TNK2: variants seen among roughly 807,000 people sequenced by gnomAD.
The protein encoded by TNK2 is activated CDC42 kinase 1.
In TNK2, 83 loss-of-function variants were observed where a neutral mutation model predicts 101.8. The observed-to-expected ratio is 0.82, with a 90% CI of 0.68 to 0.98. The LOEUF is 0.98. Among genes scored for constraint, TNK2 ranks in the 50% least tolerant of loss-of-function variants. The pLI is 0.00. For synonymous variants in TNK2, 804 were observed against 633.0 expected (o/e 1.27, Z -4.06); for missense variants, 1,665 against 1,483.2 (o/e 1.12, Z -2.01).
rs1204861929 is a variant in TNK2, at chr3:195,882,343, G to A, written c.610-15C>T. 6.2e-7 allele frequency: 1 copy of A among 1,607,896 alleles called. No individual in the cohort carries two copies. The highest frequency in any genetic ancestry group is 1.1e-5 in the South Asian group (1 of 90,982). On this transcript the variant is annotated splice_polypyrimidine_tract_variant and intron_variant, in intron 5 of 15. Coordinates refer to ENST00000672887, the MANE Select transcript of TNK2 (RefSeq NM_001382273.1). This position sits in a 1 kb window ranked among gnomAD's most constrained non-coding sequence, Gnocchi z 4.2. The stretch of plus-strand genomic sequence containing the variant: ...AGCTCTGTCACCTGAGGCCACGGAG[G>A]AGGCAGGAGGAATGAGCTGGAGGAC...
Position 195,867,642 on chromosome 3 carries a change from G to A in TNK2, c.2656C>T (p.Arg886Cys), listed in dbSNP as rs776311761. The A allele has an allele frequency of 2.1e-5, 34 of 1,602,444 alleles. No individual in the cohort carries two copies. The highest frequency in any genetic ancestry group is 1.2e-4 in the African/African-American group (9 of 74,894). ...LLPERPSYLE[R>C]YQRFLREAQS... The stretch of plus-strand genomic sequence containing the variant: ...GCCTCACGCAGGAAGCGCTGGTAGC[G>A]CTCCAGGTAGGATGGTCGCTCGGGC... Residue 886 changes from arginine to cysteine, a missense_variant, in exon 13 of 16, where the codon CGC becomes TGC. By Grantham distance (180) the Arg-to-Cys change is radical. Coordinates refer to ENST00000672887, the MANE Select transcript of TNK2 (RefSeq NM_001382273.1).
rs764262169 is a variant in TNK2 at position 195,867,402 on chromosome 3, C to G, written c.2896G>C (p.Asp966His). ...ARLPQRGCPG[D>H]GPEAGRPADK... is the part of the protein sequence containing the mutation. The stretch of plus-strand genomic sequence containing the variant: ...GCTGGCCGGCCCGCCTCTGGCCCAT[C>G]GCCAGGGCAGCCCCTCTGTGGCAGC... Residue 966 changes from aspartate (D) to histidine (H), a missense_variant, in exon 13 of 16, where the codon GAT becomes CAT. Around this residue, in one of 3 missense-constraint regions of TNK2, gnomAD observed 1,136 missense variants for 894.9 expected, o/e 1.27. Transcript: ENST00000672887. The G allele has an allele frequency of 1.9e-6, 3 of 1,604,642 alleles. No individual in the cohort carries two copies. The highest frequency in any genetic ancestry group is 2.2e-5 in the East Asian group (1 of 44,746).
chr3:195,902,639 A>AC (rs1761327537), intron 1 of TNK2, among the ~76,000 whole-genome samples: 6 of 128,258 alleles, frequency 4.7e-5, no homozygotes, highest in African/African-American at 7.4e-5. Context: ...ACAAAAAAAA[A>AC]CAAACATAAA....
At chr3:195,877,411 G>C (rs1424772479) in intron 9 of TNK2, among the ~76,000 whole-genome samples, 1 of 152,184 alleles carries the variant, frequency 6.6e-6, no homozygotes, top group African/African-American at 2.4e-5. Flanking sequence ...TTGCACCGAA[G>C]GCCGCAGACT....
rs1049098421 is a variant in TNK2, at chr3:195,884,876, T to C, written c.392A>G (p.Lys131Arg). The C allele has an allele frequency of 1.2e-6, 2 of 1,613,900 alleles. No homozygotes were observed. The highest frequency in any genetic ancestry group is 1.7e-6 in the Non-Finnish European group (2 of 1,179,994). The change falls in exon 4 of 16, where the codon AAG (lysine) becomes AGG (arginine). Residue 131 changes from lysine (K) to arginine (R), a missense_variant. Around this residue, in one of 3 missense-constraint regions of TNK2, gnomAD observed 490 missense variants for 522.5 expected, o/e 0.94. Transcript: ENST00000672887. The stretch of plus-strand genomic sequence containing the variant: ...CACGCCAAAGGAACCATCACCCAGC[T>C]TCTCCAGGAGGCGCAGGTCCTTCTC... Reference protein sequence around the residue: ...IGEKDLRLLEKLGDGSFGVVR... With the variant: ...IGEKDLRLLERLGDGSFGVVR...
At chr3:195,902,085 G>A (rs2149857383) in intron 1 of TNK2, among the ~76,000 whole-genome samples, 1 of 152,312 alleles carries the variant, frequency 6.6e-6, no homozygotes, top group South Asian at 2.1e-4. Flanking sequence ...AGGCCCCTAG[G>A]GAGGGGGAGA....
intron 10 of TNK2, 61 bp downstream of exon 10, chr3:195,872,215 G>A: frequency 6.3e-7 from 1 of 1,588,632 alleles, no homozygotes; most frequent in Non-Finnish European, 8.6e-7. Flanking sequence ...CGCGTGCCGT[G>A]CTGAGGGCCC....
intron 10 of TNK2, chr3:195,870,544 C>T (rs1744396898): frequency 1.8e-6 from 1 of 543,028 alleles, no homozygotes; most frequent in Non-Finnish European, 2.9e-6. Flanking sequence ...TCCCGCAGGC[C>T]ACGATGGAGG....
chr3:195,869,515 G>C lies in TNK2; in HGVS notation c.1570C>G (p.Pro524Ala), dbSNP rs560887905. 2 of 1,551,058 alleles carry C rather than the reference G, an allele frequency of 1.3e-6. No homozygotes were observed. Among genetic ancestry groups the C allele is most frequent in the African/African-American group, 2.7e-5 (2 of 73,180 alleles). Residue 524 changes from proline (P) to alanine (A), a missense_variant, in exon 12 of 16, where the codon CCT (proline) becomes GCT (alanine). By Grantham distance (27) the Pro-to-Ala change is conservative (BLOSUM62 -1). Transcript: ENST00000672887. ...CACTTACTCTGAGTGAAGAAGGCAG[G>C]CTGAGGTGGGCGAGGTGGAGGCTCC... Reference protein sequence around the residue: ...KREPPPRPPQPAFFTQKPTYD... With the variant: ...KREPPPRPPQAAFFTQKPTYD...
intron 1 of TNK2, among the ~76,000 whole-genome samples, chr3:195,906,266 G>C (rs1034645818): frequency 1.3e-5 from 2 of 152,196 alleles, no homozygotes; most frequent in African/African-American, 4.8e-5. Context: ...CAGTCTGGCA[G>C]TTTCTTAAAG....
chr3:195,869,522 TG>T lies in TNK2; in HGVS notation c.1562del (p.Pro521HisfsTer16). 3.9e-6 allele frequency: 6 copies of T among 1,549,998 alleles called. No individual in the cohort carries two copies. The highest frequency in any genetic ancestry group is 5.2e-6 in the Non-Finnish European group (6 of 1,146,696). ...GGVKREPPPR[P>X]PQPAFFTQKP... ...TCTGAGTGAAGAAGGCAGGCTGAGG[TG>T]GGCGAGGTGGAGGCTCCCCTGCAAG... is the stretch of plus-strand genomic sequence containing the variant. On this transcript the variant is annotated frameshift_variant, in exon 12 of 16. Transcript: ENST00000672887. LOFTEE classifies it high-confidence loss of function.
rs1743413341 is a variant in TNK2 at position 195,869,529 on chromosome 3, G to C, written c.1556C>G (p.Pro519Arg). 6.4e-7 allele frequency: 1 copy of C among 1,551,134 alleles called. No homozygotes were observed. Among genetic ancestry groups the C allele is most frequent in the African/African-American group, 1.4e-5 (1 of 73,172 alleles). The change falls in exon 12 of 16, where the codon CCT becomes CGT. Residue 519 changes from proline to arginine, a missense_variant. By Grantham distance (103) the Pro-to-Arg change is moderately radical. Coordinates refer to ENST00000672887, the MANE Select transcript of TNK2 (RefSeq NM_001382273.1). ...HLGGVKREPP[P>R]RPPQPAFFTQ... ...GAAGAAGGCAGGCTGAGGTGGGCGA[G>C]GTGGAGGCTCCCCTGCAAGAAAGGC...
At chr3:195,876,371 C>T (rs550687933) in intron 9 of TNK2, 123 of 454,292 alleles carry the variant, frequency 2.7e-4, no homozygotes, top group African/African-American at 2.2e-3. Context: ...GAAGCCACGG[C>T]GAAGAGAAGG....
intron 1 of TNK2, among the ~76,000 whole-genome samples, chr3:195,890,454 G>GTTTTTTTT (rs58431049): frequency 1.7e-5 from 2 of 119,174 alleles, no homozygotes; most frequent in African/African-American, 3.2e-5. Context: ...TAGTTTTTTG[G>GTTTTTTTT]TTTTTTTTTT....
At chr3:195,894,894 T>C (rs1416445814) in intron 1 of TNK2, among the ~76,000 whole-genome samples, 1 of 152,224 alleles carries the variant, frequency 6.6e-6, no homozygotes, top group Non-Finnish European at 1.5e-5. Flanking sequence ...TGGCTTGATA[T>C]TCATATTCAG....
rs1746028777 is a variant in TNK2, at chr3:195,872,320, G to A, written c.1407C>T (p.Asp469=). Residue 469 remains aspartate (D), a synonymous_variant, in exon 10 of 16, where the codon GAC becomes GAT. Coordinates refer to ENST00000672887, the MANE Select transcript of TNK2 (RefSeq NM_001382273.1). ...AGCCCCAGCAGTGGCGGGGGTCACTGTCGCCATGCCCTGTGTGGATGAAGC... is the reference window on the plus strand; with the variant it reads ...AGCCCCAGCAGTGGCGGGGGTCACTATCGCCATGCCCTGTGTGGATGAAGC... The part of the protein sequence containing the change: ...QNSFIHTGHG[D]SDPRHCWGFP... 2 of 1,613,258 alleles carry A rather than the reference G, an allele frequency of 1.2e-6. No homozygotes were observed. The highest frequency in any genetic ancestry group is 1.3e-5 in the African/African-American group (1 of 75,054).
At chr3:195,866,432 C>T (rs1217106443) in intron 15 of TNK2, among the ~76,000 whole-genome samples, 2 of 152,204 alleles carry the variant, frequency 1.3e-5, no homozygotes, top group African/African-American at 2.4e-5. Flanking sequence ...AACTCCTGAC[C>T]TCAGGTGATC....
intron 14 of TNK2, 49 bp from the exon 15 acceptor site, chr3:195,867,065 A>T (rs1489832023): frequency 6.2e-7 from 1 of 1,609,590 alleles, no homozygotes; most frequent in Non-Finnish European, 8.5e-7. Context: ...GGCACCGACT[A>T]GGGTGGGGAA....
At chr3:195,887,860 G>T (rs1264387400) in intron 2 of TNK2, among the ~76,000 whole-genome samples, 1 of 150,180 alleles carries the variant, frequency 6.7e-6, no homozygotes, top group Non-Finnish European at 1.5e-5. Context: ...GCGTGTCTGT[G>T]TGCGCAGGCG....
Sources: allele counts gnomAD v4.1 joint callset (sites outside exome capture counted in the v4.1 genomes callset), GRCh38; gene constraint gnomAD v4.1.1; regional missense constraint gnomAD v4.1.1; non-coding constraint Gnocchi (gnomAD v3.1); transcripts MANE v1.5; gene names NCBI Gene and HGNC (gene_info 2026-07-23, HGNC 2026-07-21).